Variants in ANKS1A observed in about 807,000 individuals in gnomAD.
ANKS1A encodes the protein ankyrin repeat and SAM domain-containing protein 1A.
ANKS1A carries 55 observed loss-of-function variants against 120.3 expected under a neutral mutation model. The ratio of observed to expected loss-of-function variants is 0.46; its 90% confidence interval spans 0.37 to 0.57. The LOEUF (loss-of-function observed/expected upper bound fraction) is 0.57. ANKS1A is among the 20% of genes least tolerant of loss of function. The pLI is 0.00. For missense variants in ANKS1A, 1,123 were observed against 1,480.3 expected (o/e 0.76, Z 3.96); for synonymous variants, 590 against 604.7 (o/e 0.98, Z 0.36).
intron 1 of ANKS1A, among the ~76,000 whole-genome samples, chr6:34,933,311 T>A (rs1769083394): frequency 6.6e-6 from 1 of 152,238 alleles, no homozygotes; most frequent in Non-Finnish European, 1.5e-5. Flanking sequence ...TTTTTGACAC[T>A]TGCTATTAGT....
At chr6:34,952,635 GTC>G (rs1770141884) in intron 1 of ANKS1A, among the ~76,000 whole-genome samples, 1 of 151,806 alleles carries the variant, frequency 6.6e-6, no homozygotes, top group African/African-American at 2.4e-5. Flanking sequence ...AGTGATATGA[GTC>G]TGTACAAATT....
Position 34,981,883 on chromosome 6 carries a change from G to A in ANKS1A, c.629G>A (p.Ser210Asn), listed in dbSNP as rs1336997632. Residue 210 changes from serine to asparagine, a missense_variant, in exon 4 of 24, where the codon AGC becomes AAC. By Grantham distance (46) the Ser-to-Asn change is conservative. Around this residue, in one of 3 missense-constraint regions of ANKS1A, gnomAD observed 146 missense variants for 267.8 expected, o/e 0.55. Transcript: ENST00000360359. ...CTTAATGCACACCCCAACCTCCTGA[G>A]CTGCAACACTAAGAAGCACACCCCT... ...MLLNAHPNLL[S>N]CNTKKHTPLH... The A allele has an allele frequency of 5.6e-6, 9 of 1,614,176 alleles. No homozygotes were observed. Among genetic ancestry groups the A allele is most frequent in the Non-Finnish European group, 7.6e-6 (9 of 1,180,038 alleles).
chr6:35,095,634 C>A (rs1195293540), downstream of ANKS1A, among the ~76,000 whole-genome samples: 206 of 118,770 alleles, frequency 1.7e-3, 1 homozygote, highest in Non-Finnish European at 2.7e-3. Context: ...ACAAAAAAAA[C>A]AGTCACTTTT....
At chr6:35,025,394 T>C (rs991934777) in intron 11 of ANKS1A, among the ~76,000 whole-genome samples, 2 of 152,196 alleles carry the variant, frequency 1.3e-5, no homozygotes, top group South Asian at 2.1e-4. Context: ...TAGTCCTGGC[T>C]CTGCAATTGA....
intron 1 of ANKS1A, among the ~76,000 whole-genome samples, chr6:34,910,873 AAAG>A (rs1767877494): frequency 6.6e-6 from 1 of 150,912 alleles, no homozygotes; most frequent in African/African-American, 2.5e-5. Flanking sequence ...AAAAAAAAAA[AAAG>A]AAAGAAAGAA....
chr6:34,896,305 A>G (rs991929863), intron 1 of ANKS1A, among the ~76,000 whole-genome samples: 50 of 152,012 alleles, frequency 3.3e-4, no homozygotes, highest in Admixed American at 1.4e-3. Flanking sequence ...CCTGACTTCA[A>G]GTGATCTGCC....
At chr6:34,934,829 C>T (rs1475762592) in intron 1 of ANKS1A, among the ~76,000 whole-genome samples, 1 of 152,162 alleles carries the variant, frequency 6.6e-6, no homozygotes, top group Non-Finnish European at 1.5e-5. Context: ...CACCTCCCAC[C>T]CCACCCCCAG....
chr6:34,961,927 A>G (rs534444061), intron 1 of ANKS1A, among the ~76,000 whole-genome samples: 1 of 152,346 alleles, frequency 6.6e-6, no homozygotes, highest in East Asian at 1.9e-4. Flanking sequence ...CATGAGCTCC[A>G]TCAAAGAGAG....
Position 34,889,967 on chromosome 6 carries a change from C to T in ANKS1A, c.197+368C>T, listed in dbSNP as rs1448077605. On this transcript the variant is annotated intron_variant, in intron 1 of 23. Coordinates refer to ENST00000360359, the MANE Select transcript of ANKS1A (RefSeq NM_015245.3). This position sits in a 1 kb window ranked among gnomAD's most constrained non-coding sequence, Gnocchi z 5.5. ...TATCTTATATATATATATATGAGATCTCCCTCACCTCCTGCAGAAACTCCT... is the reference window on the plus strand; with the variant it reads ...TATCTTATATATATATATATGAGATTTCCCTCACCTCCTGCAGAAACTCCT... Among the ~76,000 whole-genome samples, 1 of 152,064 alleles carries T rather than the reference C, an allele frequency of 6.6e-6. No homozygotes were observed. The highest frequency in any genetic ancestry group is 1.5e-5 in the Non-Finnish European group (1 of 68,006).
chr6:34,934,731 A>G (rs1769163767), intron 1 of ANKS1A, among the ~76,000 whole-genome samples: 1 of 152,202 alleles, frequency 6.6e-6, no homozygotes, highest in Admixed American at 6.5e-5. Context: ...CCTTGCTCTT[A>G]CACATGTGAA....
At chr6:35,094,376 G>A (rs576338699), downstream of ANKS1A, among the ~76,000 whole-genome samples, 76 of 151,762 alleles carry the variant, frequency 5.0e-4, no homozygotes, top group African/African-American at 1.7e-3. Flanking sequence ...GGAGGCAGAG[G>A]TTGCAATGAG....
intron 1 of ANKS1A, among the ~76,000 whole-genome samples, chr6:34,937,471 G>A (rs1304836760): frequency 6.6e-6 from 1 of 152,008 alleles, no homozygotes; most frequent in Non-Finnish European, 1.5e-5. Context: ...GTAATTGTGA[G>A]GCTTAAACAA....
chr6:35,089,753 T>C lies in ANKS1A; in HGVS notation c.*1144T>C, dbSNP rs1483185702. On this transcript the variant is annotated 3_prime_UTR_variant, in exon 24 of 24. Coordinates refer to ENST00000360359, the MANE Select transcript of ANKS1A (RefSeq NM_015245.3). ...TGCTCGCTTTGTTTTTAAAAGTAAC[T>C]TGGGTTGCATTCTTCCCTCTGGACT... 2.0e-6 allele frequency: 2 copies of C among 996,736 alleles called. No homozygotes were observed. Among genetic ancestry groups the C allele is most frequent in the East Asian group, 1.1e-4 (1 of 9,310 alleles). 61.7% of individuals were successfully genotyped at this position (996,736 alleles called of 1,614,324 possible).
intron 1 of ANKS1A, among the ~76,000 whole-genome samples, chr6:34,947,002 C>T (rs1769832552): frequency 6.6e-6 from 1 of 152,180 alleles, no homozygotes; most frequent in African/African-American, 2.4e-5. Context: ...GCACAAGTGA[C>T]TTCACCTTTC....
At chr6:35,080,020 G>T in intron 16 of ANKS1A, 92 bp downstream of exon 16, 1 of 1,407,132 alleles carries the variant, frequency 7.1e-7, no homozygotes, top group Non-Finnish European at 9.8e-7. Context: ...AGAGACCACT[G>T]TAGTGTAGGA....
intron 19 of ANKS1A, 79 bp from the exon 20 acceptor site, chr6:35,083,338 G>A (rs1017462789): frequency 2.1e-5 from 33 of 1,594,804 alleles, no homozygotes; most frequent in Non-Finnish European, 2.7e-5. Flanking sequence ...AGGATGGGAA[G>A]GAAGCTGGGA....
chr6:34,999,520 CCTACTAGGAACTAT>C (rs1470812683), intron 10 of ANKS1A, among the ~76,000 whole-genome samples: 1 of 152,070 alleles, frequency 6.6e-6, no homozygotes, highest in Non-Finnish European at 1.5e-5. Flanking sequence ...ATAAGCCCAC[CCTACTAGGAACTAT>C]GTTGAAAAAT....
rs767311862 is a variant in ANKS1A at position 35,017,572 on chromosome 6, C to T, written c.1523C>T (p.Pro508Leu). Residue 508 changes from proline (P) to leucine (L), a missense_variant, in exon 11 of 24, where the codon CCG becomes CTG. By Grantham distance (98) the Pro-to-Leu change is moderately conservative. Coordinates refer to ENST00000360359, the MANE Select transcript of ANKS1A (RefSeq NM_015245.3). The part of the protein sequence containing the change: ...QFSGLLHGSS[P>L]VCEVGQDPFQ... ...TCAGGCCTCCTCCACGGCTCCTCCCCGGTGTGCGAGGTGGGGCAGGACCCT... is the reference window on the plus strand; with the variant it reads ...TCAGGCCTCCTCCACGGCTCCTCCCTGGTGTGCGAGGTGGGGCAGGACCCT... The T allele has an allele frequency of 2.0e-5, 32 of 1,613,936 alleles. No homozygotes were observed. Among genetic ancestry groups the T allele is most frequent in the Non-Finnish European group, 2.5e-5 (30 of 1,179,992 alleles).
In ANKS1A at chr6:35,024,170, TC is replaced by T. The variant is rs1483012222; in HGVS notation, c.2010+6113del. Among the ~76,000 whole-genome samples the T allele has an allele frequency of 7.9e-5, 12 of 152,210 alleles. 1 individual carries two copies. The South Asian group carries it at 1.9e-3, about 24-fold the overall frequency. ...TGTCCTCAGCATCTCAGCTGTGTGTTCCTGCGGCAGAGTCTCCTTTTGGTAT... is the reference window on the plus strand; with the variant it reads ...TGTCCTCAGCATCTCAGCTGTGTGTTCTGCGGCAGAGTCTCCTTTTGGTAT... On this transcript the variant is annotated intron_variant, in intron 11 of 23. Transcript: ENST00000360359.
Sources: gnomAD v4.1 joint callset for allele counts (sites outside exome capture counted in the v4.1 genomes callset) on GRCh38, gnomAD v4.1.1 for gene constraint, gnomAD v4.1.1 regional missense constraint, Gnocchi (gnomAD v3.1) non-coding constraint, MANE v1.5 for transcripts, NCBI Gene and HGNC (gene_info 2026-07-23, HGNC 2026-07-21) for gene names.